Variants in SPSB1 observed in about 807,000 individuals in gnomAD.
The protein encoded by SPSB1 is splA/ryanodine receptor domain and SOCS box containing 1, also known as SPRY domain-containing SOCS box protein 1.
Under a neutral mutation model 21.2 loss-of-function variants are expected in SPSB1, and 8 were observed. The observed-to-expected ratio is 0.38, with a 90% CI of 0.22 to 0.68. The LOEUF (loss-of-function observed/expected upper bound fraction) is 0.68. SPSB1 is among the 30% of genes least tolerant of loss of function. The pLI is 0.53. For missense variants in SPSB1, 242 were observed against 377.8 expected (o/e 0.64, Z 2.98); for synonymous variants, 169 against 161.7 (o/e 1.05, Z -0.34).
intron 2 of SPSB1, among the ~76,000 whole-genome samples, chr1:9,362,123 G>T (rs1314883915): frequency 1.3e-5 from 2 of 152,158 alleles, no homozygotes; most frequent in Non-Finnish European, 2.9e-5. Context: ...CACTCCAGCT[G>T]GACTCTGCCG....
At chr1:9,347,461 C>G (rs762332316) in intron 1 of SPSB1, among the ~76,000 whole-genome samples, 1 of 152,202 alleles carries the variant, frequency 6.6e-6, no homozygotes, top group Non-Finnish European at 1.5e-5. Context: ...CCCTCCCACC[C>G]ACAATCATTA....
At position 9,346,181 on chromosome 1, in the gene SPSB1, A is replaced by G. The variant is rs1171562949; in HGVS notation, c.-149-9562A>G. Reference sequence around the variant, plus strand: ...GCAAAATCCTGGGCTGCCACCACTGATGTGTGAGACGGGGCGGCAGAGGGA... The same window carrying G: ...GCAAAATCCTGGGCTGCCACCACTGGTGTGTGAGACGGGGCGGCAGAGGGA... On this transcript the variant is annotated intron_variant, in intron 1 of 2. Transcript: ENST00000328089. This position sits in a 1 kb window ranked among gnomAD's most constrained non-coding sequence, Gnocchi z 4.4. Among the ~76,000 whole-genome samples, 1 of 152,258 alleles carries G rather than the reference A, an allele frequency of 6.6e-6. No homozygotes were observed. The highest frequency in any genetic ancestry group is 1.5e-5 in the Non-Finnish European group (1 of 68,044).
chr1:9,336,946 A>G (rs573414769), intron 1 of SPSB1, among the ~76,000 whole-genome samples: 1 of 152,180 alleles, frequency 6.6e-6, no homozygotes, highest in African/African-American at 2.4e-5. Flanking sequence ...GCTGGTCCCC[A>G]CTGAGGGGCC....
intron 1 of SPSB1, among the ~76,000 whole-genome samples, chr1:9,309,279 A>AGT (rs199887072): frequency 3.9e-5 from 5 of 126,642 alleles, no homozygotes; most frequent in African/African-American, 1.3e-4. Context: ...AGAGAGAGAG[A>AGT]GTGTGAGAGA....
chr1:9,319,838 G>A (rs1432964174), intron 1 of SPSB1, among the ~76,000 whole-genome samples: 1 of 152,074 alleles, frequency 6.6e-6, no homozygotes, highest in Non-Finnish European at 1.5e-5. Context: ...TGTTTCTGTG[G>A]CCACTGGAGC....
intron 1 of SPSB1, among the ~76,000 whole-genome samples, chr1:9,336,337 C>T (rs925091428): frequency 5.9e-5 from 9 of 152,090 alleles, no homozygotes. Context: ...AGTGATTCTC[C>T]TCCCTCAGCC....
chr1:9,332,767 G>C (rs1639942250), intron 1 of SPSB1, among the ~76,000 whole-genome samples: 1 of 152,230 alleles, frequency 6.6e-6, no homozygotes, highest in Non-Finnish European at 1.5e-5. Context: ...GAGAGGTAGA[G>C]AGAGGATGCT....
chr1:9,301,914 C>G (rs560165646), intron 1 of SPSB1, among the ~76,000 whole-genome samples: 1 of 152,356 alleles, frequency 6.6e-6, no homozygotes, highest in African/African-American at 2.4e-5. Flanking sequence ...GGAGCAGGCA[C>G]TTATTCTGGA....
intron 1 of SPSB1, among the ~76,000 whole-genome samples, chr1:9,340,432 T>C (rs954249164): frequency 6.6e-6 from 1 of 152,000 alleles, no homozygotes; most frequent in African/African-American, 2.4e-5. Context: ...CGTTGTGTTA[T>C]GAAAACGTGG....
chr1:9,349,169 G>T (rs1012568087), intron 1 of SPSB1, among the ~76,000 whole-genome samples: 5 of 152,132 alleles, frequency 3.3e-5, no homozygotes, highest in African/African-American at 7.2e-5. Flanking sequence ...GTATCCCTCT[G>T]CAGGGGAAGC....
intron 1 of SPSB1, among the ~76,000 whole-genome samples, chr1:9,354,630 T>A (rs1336621526): frequency 6.6e-6 from 1 of 152,020 alleles, no homozygotes; most frequent in African/African-American, 2.4e-5. Flanking sequence ...CTGGCCAACA[T>A]GGTGAAACCC....
At chr1:9,297,582 G>A (rs1356104832) in intron 1 of SPSB1, among the ~76,000 whole-genome samples, 1 of 152,110 alleles carries the variant, frequency 6.6e-6, no homozygotes. Flanking sequence ...ACATGAAGTT[G>A]GATCTGGCCG....
At chr1:9,336,816 G>A (rs947072334) in intron 1 of SPSB1, among the ~76,000 whole-genome samples, 4 of 152,208 alleles carry the variant, frequency 2.6e-5, no homozygotes, top group African/African-American at 7.2e-5. Context: ...GAAAGAGGGG[G>A]ACACTAGCCC....
At chr1:9,302,493 C>T (rs1254466926) in intron 1 of SPSB1, among the ~76,000 whole-genome samples, 1 of 152,184 alleles carries the variant, frequency 6.6e-6, no homozygotes, top group East Asian at 1.9e-4. Flanking sequence ...ATCCAGTCAG[C>T]CGGGGGCCTG....
At chr1:9,301,025 A>G (rs1639319433) in intron 1 of SPSB1, among the ~76,000 whole-genome samples, 1 of 152,198 alleles carries the variant, frequency 6.6e-6, no homozygotes, top group Non-Finnish European at 1.5e-5. Flanking sequence ...GGGTGAAGGG[A>G]AATCCTCCCT....
chr1:9,366,677 G>A (rs907971217), intron 2 of SPSB1, among the ~76,000 whole-genome samples: 3 of 151,568 alleles, frequency 2.0e-5, no homozygotes, highest in Admixed American at 6.6e-5. Flanking sequence ...AGGTTCAAGC[G>A]ATTCTCCTGC....
intron 1 of SPSB1, among the ~76,000 whole-genome samples, chr1:9,314,867 G>A (rs896574266): frequency 3.9e-5 from 6 of 152,202 alleles, no homozygotes; most frequent in Non-Finnish European, 8.8e-5. Context: ...GGCAGCCAGT[G>A]GGAGGCTCCA....
chr1:9,364,158 G>A (rs941506114), intron 2 of SPSB1, among the ~76,000 whole-genome samples: 22 of 152,256 alleles, frequency 1.4e-4, no homozygotes, highest in African/African-American at 4.8e-4. Flanking sequence ...ACGAGGGAGA[G>A]CCCCTCCACT....
chr1:9,340,423 G>A (rs891918070), intron 1 of SPSB1, among the ~76,000 whole-genome samples: 13 of 149,762 alleles, frequency 8.7e-5, no homozygotes, highest in African/African-American at 1.8e-4. Flanking sequence ...AAGGCAAGGC[G>A]TTGTGTTATG....
Sources: gnomAD v4.1 joint callset for allele counts (sites outside exome capture counted in the v4.1 genomes callset) on GRCh38, gnomAD v4.1.1 for gene constraint, Gnocchi (gnomAD v3.1) non-coding constraint, MANE v1.5 for transcripts, NCBI Gene and HGNC (gene_info 2026-07-23, HGNC 2026-07-21) for gene names.